CDH12: variants seen among roughly 807,000 people sequenced by gnomAD.
CDH12 encodes cadherin-12.
CDH12 carries 41 observed loss-of-function variants against 74.1 expected under a neutral mutation model. The observed-to-expected ratio is 0.55, with a 90% CI of 0.43 to 0.72. The LOEUF (loss-of-function observed/expected upper bound fraction) is 0.72, where lower values mean the gene tolerates loss of function less well. CDH12 is among the 30% of genes least tolerant of loss of function. The pLI, the probability that CDH12 is intolerant of heterozygous loss-of-function variation, is 0.00. For missense variants in CDH12, 945 were observed against 977.2 expected, an observed-to-expected ratio of 0.97 and a Z score of 0.44; for synonymous variants, 399 against 355.0, an observed-to-expected ratio of 1.12 and a Z score of -1.39.
intron 2 of CDH12, among the ~76,000 whole-genome samples, chr5:22,406,544 T>TA (rs1299982650): frequency 3.3e-5 from 5 of 152,220 alleles, no homozygotes; most frequent in East Asian, 3.9e-4. Flanking sequence ...TTCCACCAGA[T>TA]AAAAAATATA....
At chr5:22,266,233 G>A (rs1010767858) in intron 3 of CDH12, among the ~76,000 whole-genome samples, 5 of 151,684 alleles carry the variant, frequency 3.3e-5, no homozygotes, top group African/African-American at 1.2e-4. Flanking sequence ...TCACCACCAC[G>A]ACCGGCTAAT....
At chr5:22,589,920 A>G (rs956431972) in intron 1 of CDH12, among the ~76,000 whole-genome samples, 1 of 152,120 alleles carries the variant, frequency 6.6e-6, no homozygotes, top group African/African-American at 2.4e-5. Context: ...CTAACCCACT[A>G]TTATCCAACT....
At chr5:21,758,923 C>G (rs538328160) in intron 13 of CDH12, among the ~76,000 whole-genome samples, 25 of 152,104 alleles carry the variant, frequency 1.6e-4, no homozygotes, top group African/African-American at 6.0e-4. Flanking sequence ...ACTTTGGGAA[C>G]ACAGAACACA....
At chr5:22,603,157 AACAGGGCACAAGAAAT>A (rs1163829504) in intron 1 of CDH12, among the ~76,000 whole-genome samples, 1 of 152,192 alleles carries the variant, frequency 6.6e-6, no homozygotes, top group Non-Finnish European at 1.5e-5. Flanking sequence ...CTTACCCAGA[AACAGGGCACAAGAAAT>A]ACAGAAAACC....
At position 22,675,456 on chromosome 5, in the gene CDH12, A is replaced by G. The variant is rs554004073; in HGVS notation, c.-522-170092T>C. On this transcript the variant is annotated intron_variant, in intron 1 of 14. Transcript: ENST00000382254. ...CATTTGCTGCAGGGCTGGGGCCCTC[A>G]TGGAGGAGCAACTAACTTGCTTTTG... 3.9e-5 allele frequency among the ~76,000 whole-genome samples: 6 copies of G among 152,310 alleles called. No individual in the cohort carries two copies. In the East Asian group the frequency reaches 1.2e-3, roughly 29 times the overall value.
intron 5 of CDH12, among the ~76,000 whole-genome samples, chr5:22,074,932 C>T (rs1229720458): frequency 6.6e-6 from 1 of 151,912 alleles, no homozygotes; most frequent in Admixed American, 6.6e-5. Context: ...ACTAGAAATA[C>T]CATTTGATCC....
At chr5:22,115,985 C>T (rs751590048) in intron 4 of CDH12, among the ~76,000 whole-genome samples, 23 of 152,156 alleles carry the variant, frequency 1.5e-4, no homozygotes, top group Admixed American at 1.0e-3. Flanking sequence ...CCACTGTGCC[C>T]GGCTGGTCCT....
chr5:22,174,143 G>A (rs1324357862), intron 4 of CDH12, among the ~76,000 whole-genome samples: 1 of 151,950 alleles, frequency 6.6e-6, no homozygotes, highest in Non-Finnish European at 1.5e-5. Context: ...CAAGGTTGAT[G>A]TAAAAAATGT....
intron 1 of CDH12, among the ~76,000 whole-genome samples, chr5:22,815,054 G>T (rs756997616): frequency 6.6e-6 from 1 of 152,292 alleles, no homozygotes; most frequent in African/African-American, 2.4e-5. Flanking sequence ...GCATAGAAGA[G>T]AGGGTTCAAC....
At chr5:22,669,603 G>A (rs147822214) in intron 1 of CDH12, among the ~76,000 whole-genome samples, 141 of 152,254 alleles carry the variant, frequency 9.3e-4, no homozygotes, top group Non-Finnish European at 1.8e-3. Flanking sequence ...TGTCTAAATG[G>A]CAGACTTGGT....
intron 2 of CDH12, among the ~76,000 whole-genome samples, chr5:22,432,536 CAT>C (rs1309866093): frequency 1.3e-5 from 2 of 151,462 alleles, no homozygotes; most frequent in African/African-American, 2.4e-5. Context: ...CACATATACA[CAT>C]ATGTTTATGT....
At chr5:22,603,485 A>C in intron 1 of CDH12, among the ~76,000 whole-genome samples, 1 of 152,176 alleles carries the variant, frequency 6.6e-6, no homozygotes. Flanking sequence ...ACGTAGCTGA[A>C]GAAGAGAAGC....
At chr5:21,947,006 G>C (rs1263227068) in intron 6 of CDH12, among the ~76,000 whole-genome samples, 1 of 152,124 alleles carries the variant, frequency 6.6e-6, no homozygotes, top group African/African-American at 2.4e-5. Flanking sequence ...CATGAGATCT[G>C]ATGGTTTTAA....
At chr5:22,166,509 A>G (rs924755424) in intron 4 of CDH12, among the ~76,000 whole-genome samples, 9 of 152,204 alleles carry the variant, frequency 5.9e-5, no homozygotes, top group Non-Finnish European at 8.8e-5. Flanking sequence ...CAGCAACCAA[A>G]TTAAGATGCT....
rs1208926270 is a variant in CDH12 at position 21,751,705 on chromosome 5, CT to C, written c.*31del. ...TCTTTTTCTTTTTTAAAAATCTCCC[CT>C]CTCGGTTGTATTTTAGCCTCCACGA... On this transcript the variant is annotated 3_prime_UTR_variant, in exon 15 of 15. Coordinates refer to ENST00000382254, the MANE Select transcript of CDH12 (RefSeq NM_004061.5). 2 of 1,558,748 alleles carry C rather than the reference CT, an allele frequency of 1.3e-6. No individual in the cohort carries two copies. Among genetic ancestry groups the C allele is most frequent in the African/African-American group, 2.8e-5 (2 of 72,118 alleles).
chr5:22,624,567 C>T (rs1024179588), intron 1 of CDH12, among the ~76,000 whole-genome samples: 7 of 152,192 alleles, frequency 4.6e-5, no homozygotes, highest in African/African-American at 1.7e-4. Flanking sequence ...AAATGCTCAT[C>T]ATCACTGGCC....
At chr5:21,978,309 A>T (rs968269300) in intron 5 of CDH12, among the ~76,000 whole-genome samples, 2 of 152,044 alleles carry the variant, frequency 1.3e-5, no homozygotes, top group Non-Finnish European at 2.9e-5. Context: ...TGCCAGGCTA[A>T]TTTTTGTAGT....
intron 8 of CDH12, among the ~76,000 whole-genome samples, chr5:21,827,003 A>G (rs1262548072): frequency 6.6e-6 from 1 of 152,128 alleles, no homozygotes. Context: ...TCAAGCTACT[A>G]TCGTGATGTC....
chr5:22,678,899 T>C (rs77567254), intron 1 of CDH12, among the ~76,000 whole-genome samples: 7,171 of 152,198 alleles, frequency 0.047, 208 homozygotes, highest in Admixed American at 0.074. Flanking sequence ...GAGATCTATA[T>C]CTTTAAAGGT....
Sources: gnomAD v4.1 joint callset for allele counts (sites outside exome capture counted in the v4.1 genomes callset) on GRCh38, gnomAD v4.1.1 for gene constraint, MANE v1.5 for transcripts, NCBI Gene and HGNC (gene_info 2026-07-23, HGNC 2026-07-21) for gene names.